The following PDXDC1 variants were observed in gnomAD, a reference collection of about 807,000 sequenced individuals.
PDXDC1 encodes pyridoxal dependent decarboxylase domain containing 1.
Under a neutral mutation model 100.1 loss-of-function variants are expected in PDXDC1, and 42 were observed. The observed-to-expected ratio is 0.42, with a 90% confidence interval of 0.33 to 0.54. PDXDC1 has a LOEUF of 0.54. PDXDC1 is among the 20% of genes least tolerant of loss of function. PDXDC1 has a pLI of 0.10. For missense variants in PDXDC1, 636 were observed against 979.2 expected (o/e 0.65, Z 4.68); for synonymous variants, 260 against 371.7 (o/e 0.70, Z 3.46).
intron 16 of PDXDC1, among the ~76,000 whole-genome samples, chr16:15,062,882 A>G (rs1185756756): frequency 6.6e-6 from 1 of 152,234 alleles, no homozygotes; most frequent in Non-Finnish European, 1.5e-5. Flanking sequence ...TTTTTAAAGA[A>G]AACAGGGTCT....
chr16:15,048,511 C>A (rs981106870), intron 16 of PDXDC1, among the ~76,000 whole-genome samples: 2 of 151,898 alleles, frequency 1.3e-5, no homozygotes, highest in Non-Finnish European at 2.9e-5. Context: ...TGACCCACCA[C>A]ACCCAGCTAT....
intron 1 of PDXDC1, among the ~76,000 whole-genome samples, chr16:14,980,697 G>C (rs1467324389): frequency 1.4e-4 from 21 of 152,254 alleles, no homozygotes. Flanking sequence ...GGATGGTCTC[G>C]ATCTCCTGAC....
At chr16:15,140,949 G>T (rs2048463865), downstream of PDXDC1, among the ~76,000 whole-genome samples, 1 of 152,092 alleles carries the variant, frequency 6.6e-6, no homozygotes, top group African/African-American at 2.4e-5. Flanking sequence ...TGACCCAGCA[G>T]GTGCCTCTGC....
At chr16:15,062,650 A>T (rs936670191) in intron 16 of PDXDC1, among the ~76,000 whole-genome samples, 2 of 152,230 alleles carry the variant, frequency 1.3e-5, no homozygotes, top group African/African-American at 4.8e-5. Context: ...CAATTTCAAC[A>T]TGAGTCAACT....
Position 15,037,797 on chromosome 16 carries a change from C to CAAAAAA in PDXDC1, c.*1527_*1532dup. The CAAAAAA allele has an allele frequency of 2.5e-6, 1 of 400,844 alleles. No individual in the cohort carries two copies. Among genetic ancestry groups the CAAAAAA allele is most frequent in the East Asian group, 4.1e-5 (1 of 24,390 alleles). The allele number at this position is 400,844 out of a possible 1,614,324, so 24.8% of individuals were successfully genotyped here. ...TTCTCCTCTGCCCGTTATTACCGAC[C>CAAAAAA]AAAAAAAAAACTGGACATCAATTTT... On this transcript the variant is annotated 3_prime_UTR_variant, in exon 23 of 23. Transcript: ENST00000396410.
chr16:15,071,642 C>T (rs913514752), intron 16 of PDXDC1, among the ~76,000 whole-genome samples: 1 of 152,190 alleles, frequency 6.6e-6, no homozygotes, highest in African/African-American at 2.4e-5. Context: ...GTGGCAGGTG[C>T]CTGTAATCCC....
chr16:15,085,325 A>C (rs988418573), intron 16 of PDXDC1, among the ~76,000 whole-genome samples: 4 of 87,340 alleles, frequency 4.6e-5, no homozygotes, highest in African/African-American at 1.2e-4. Flanking sequence ...TCTGTGCTTT[A>C]CTTTTTTTTT....
At chr16:15,010,139 C>T (rs1307742199) in intron 8 of PDXDC1, among the ~76,000 whole-genome samples, 55 of 152,258 alleles carry the variant, frequency 3.6e-4, no homozygotes, top group African/African-American at 5.8e-4. Context: ...CTCTGCCTCC[C>T]GGGTTCAAGT....
intron 16 of PDXDC1, among the ~76,000 whole-genome samples, chr16:15,105,165 G>C: frequency 8.1e-6 from 1 of 123,588 alleles, no homozygotes. Flanking sequence ...GTAAGAGACA[G>C]TAAGAGAGGC....
rs114884809 is a variant in PDXDC1 at position 15,001,880 on chromosome 16, T to C, written c.242+24T>C. 726 of 1,580,790 alleles carry C rather than the reference T, an allele frequency of 4.6e-4. No homozygotes were observed. The African/African-American group carries it at 8.9e-3, about 19-fold the overall frequency. Reference sequence around the variant, plus strand: ...AGGTAATGAACCTGGCAGCTTCTCTTTTCAAGTGTATGTGTTCTTGATTTC... The same window carrying C: ...AGGTAATGAACCTGGCAGCTTCTCTCTTCAAGTGTATGTGTTCTTGATTTC... On this transcript the variant is annotated intron_variant, in intron 4 of 22. Coordinates refer to ENST00000396410, the MANE Select transcript of PDXDC1 (RefSeq NM_015027.4).
intron 16 of PDXDC1, among the ~76,000 whole-genome samples, chr16:15,056,740 C>T (rs1018027290): frequency 1.3e-5 from 2 of 152,170 alleles, no homozygotes; most frequent in Admixed American, 6.5e-5. Context: ...CTGCAATGAG[C>T]TATGTTTGGG....
Position 15,036,049 on chromosome 16 carries a change from C to A in PDXDC1, c.2141C>A (p.Ser714Ter). The A allele has an allele frequency of 6.2e-7, 1 of 1,614,144 alleles. No homozygotes were observed. The highest frequency in any genetic ancestry group is 1.1e-5 in the South Asian group (1 of 91,084). ...QKPFKRSLRG[S>*]DALSETSSVS... is the part of the protein sequence containing the mutation. ...CCTTTTAAAAGGTCCCTGCGAGGTT[C>A]AGATGCTTTGAGTGAGACCAGCTCA... Residue 714 changes from serine (S) to a stop codon, truncating the protein, a stop_gained, in exon 23 of 23, where the codon TCA (serine) becomes TAA (stop). Coordinates refer to ENST00000396410, the MANE Select transcript of PDXDC1 (RefSeq NM_015027.4). LOFTEE classifies it low-confidence loss of function (END_TRUNC).
chr16:15,146,692 A>G, the PDXDC1 span, among the ~76,000 whole-genome samples: 1 of 152,168 alleles, frequency 6.6e-6, no homozygotes, highest in East Asian at 1.9e-4. Flanking sequence ...GCACAGGCAC[A>G]GTGTCTGGCT....
chr16:15,142,425 G>A (rs2048489463), downstream of PDXDC1, among the ~76,000 whole-genome samples: 1 of 152,106 alleles, frequency 6.6e-6, no homozygotes, highest in Non-Finnish European at 1.5e-5. Context: ...CAAGGTCTTG[G>A]GGACCCCGCT....
At chr16:15,124,262 T>G (rs1339782043) in intron 16 of PDXDC1, among the ~76,000 whole-genome samples, 1 of 152,162 alleles carries the variant, frequency 6.6e-6, no homozygotes, top group African/African-American at 2.4e-5. Context: ...CCTGGCCCTG[T>G]CCTCAGCTAA....
At chr16:15,027,231 C>G (rs2042676503) in intron 14 of PDXDC1, among the ~76,000 whole-genome samples, 1 of 152,292 alleles carries the variant, frequency 6.6e-6, no homozygotes, top group Admixed American at 6.5e-5. Context: ...TCCCTTGTCC[C>G]CCTCGCAGGG....
chr16:14,992,125 A>C (rs1340872316), intron 1 of PDXDC1, among the ~76,000 whole-genome samples: 2 of 152,290 alleles, frequency 1.3e-5, no homozygotes, highest in African/African-American at 4.8e-5. Flanking sequence ...TCATGAGGAT[A>C]AATGGCAGCC....
intron 14 of PDXDC1, among the ~76,000 whole-genome samples, chr16:15,027,918 G>T (rs1191183010): frequency 3.9e-5 from 6 of 152,270 alleles, no homozygotes; most frequent in Admixed American, 2.0e-4. Flanking sequence ...TGGGGGTAGA[G>T]TCCTAGCCAG....
chr16:15,101,875 G>T (rs1248701597), intron 16 of PDXDC1, among the ~76,000 whole-genome samples: 3 of 151,824 alleles, frequency 2.0e-5, no homozygotes, highest in Non-Finnish European at 4.4e-5. Flanking sequence ...TCGAGACAGA[G>T]TCTTGCTCTG....
Sources: gnomAD v4.1 joint callset for allele counts (sites outside exome capture counted in the v4.1 genomes callset) on GRCh38, gnomAD v4.1.1 for gene constraint, MANE v1.5 for transcripts, NCBI Gene and HGNC (gene_info 2026-07-23, HGNC 2026-07-21) for gene names.